B4GALT6: variants seen among roughly 807,000 people sequenced by gnomAD.
B4GALT6 encodes beta-1,4-galactosyltransferase 6, also known as UDP-Gal:beta-GlcNAc beta-1,4-galactosyltransferase 6.
A neutral mutation model predicts 46.3 loss-of-function variants in B4GALT6; 14 were observed. That is an observed-to-expected ratio of 0.30 (90% CI 0.20 to 0.47). The LOEUF is 0.47. Among genes scored for constraint, B4GALT6 ranks in the 20% least tolerant of loss-of-function variants. The pLI, the probability that B4GALT6 is intolerant of heterozygous loss-of-function variation, is 0.99. For synonymous variants in B4GALT6, 168 were observed against 162.0 expected, an observed-to-expected ratio of 1.04 and a Z score of -0.28; for missense variants, 386 against 480.1, an observed-to-expected ratio of 0.80 and a Z score of 1.83.
chr18:31,663,162 A>T (rs2074240312), intron 2 of B4GALT6, among the ~76,000 whole-genome samples: 1 of 152,230 alleles, frequency 6.6e-6, no homozygotes, highest in African/African-American at 2.4e-5. Flanking sequence ...CTTATCACTT[A>T]AAGGAAAAGG....
At chr18:31,680,197 T>A (rs2144744464) in intron 1 of B4GALT6, among the ~76,000 whole-genome samples, 1 of 152,192 alleles carries the variant, frequency 6.6e-6, no homozygotes, top group Non-Finnish European at 1.5e-5. Context: ...GAAAGACCTT[T>A]GAAACAAAGC....
At chr18:31,708,153 G>T in the B4GALT6 span, among the ~76,000 whole-genome samples, 2 of 152,184 alleles carry the variant, frequency 1.3e-5, no homozygotes, top group African/African-American at 4.8e-5. Flanking sequence ...TTGGCATGAG[G>T]CTCATTCATA....
chr18:31,658,137 C>T (rs751245040), intron 2 of B4GALT6, 48 bp from the exon 3 acceptor site: 4 of 1,327,714 alleles, frequency 3.0e-6, no homozygotes, highest in East Asian at 4.6e-5. Context: ...AGGCCTTTTG[C>T]TTTCTCCCTG....
chr18:31,698,665 T>C, the B4GALT6 span, among the ~76,000 whole-genome samples: 2 of 149,048 alleles, frequency 1.3e-5, no homozygotes, highest in South Asian at 2.1e-4. Context: ...ACACAACATG[T>C]ACCAATAAAA....
chr18:31,664,529 C>CTTT (rs35854175), intron 2 of B4GALT6, among the ~76,000 whole-genome samples: 1 of 138,056 alleles, frequency 7.2e-6, no homozygotes, highest in African/African-American at 2.6e-5. Context: ...AAGGATTTTC[C>CTTT]TTTTTTTTTT....
At chr18:31,648,439 G>C (rs184439282) in intron 3 of B4GALT6, among the ~76,000 whole-genome samples, 5 of 152,112 alleles carry the variant, frequency 3.3e-5, no homozygotes, top group Non-Finnish European at 5.9e-5. Context: ...AGAGTGGAGG[G>C]GCTGCCAAGT....
the B4GALT6 span, among the ~76,000 whole-genome samples, chr18:31,718,727 G>T: frequency 2.6e-5 from 4 of 152,158 alleles, no homozygotes; most frequent in Non-Finnish European, 4.4e-5. Flanking sequence ...ACCAGGAAGG[G>T]CACTGATTCC....
At chr18:31,687,828 T>A (rs1450142540), upstream of B4GALT6, among the ~76,000 whole-genome samples, 1 of 152,168 alleles carries the variant, frequency 6.6e-6, no homozygotes, top group Non-Finnish European at 1.5e-5. Context: ...TATACACAGA[T>A]TGCAACTGAA....
chr18:31,694,856 C>A, the B4GALT6 span, among the ~76,000 whole-genome samples: 1 of 152,184 alleles, frequency 6.6e-6, no homozygotes, highest in African/African-American at 2.4e-5. Context: ...CTACATTTCA[C>A]ATACTAGTTA....
rs148822904 is a variant in B4GALT6, at chr18:31,680,468, G to A, written c.115+3844C>T. On this transcript the variant is annotated intron_variant, in intron 1 of 8. Coordinates refer to ENST00000306851, the MANE Select transcript of B4GALT6 (RefSeq NM_004775.5). ...ATTTCCAGCAGGGCACACACCCCAG[G>A]GAGGCCCAAATAACAAAGCACTCAG... Among the ~76,000 whole-genome samples the A allele has an allele frequency of 4.4e-3, 671 of 152,240 alleles. 4 individuals carry two copies. Among genetic ancestry groups the A allele is most frequent in the African/African-American group, 0.016 (647 of 41,516 alleles).
At chr18:31,700,468 T>TGTGAGTGTGTGTGTGA in the B4GALT6 span, among the ~76,000 whole-genome samples, 29 of 148,278 alleles carry the variant, frequency 2.0e-4, 1 homozygote, top group Non-Finnish European at 4.0e-4. Context: ...TGTGTGTGTG[T>TGTGAGTGTGTGTGTGA]GAGAGAGAGA....
At chr18:31,660,921 T>A (rs2074205928) in intron 2 of B4GALT6, among the ~76,000 whole-genome samples, 1 of 152,096 alleles carries the variant, frequency 6.6e-6, no homozygotes, top group Non-Finnish European at 1.5e-5. Context: ...GAACAGTAAC[T>A]GCCATCAGGA....
chr18:31,686,628 G>A (rs2029929645), upstream of B4GALT6: 2 of 152,100 alleles, frequency 1.3e-5, no homozygotes, highest in African/African-American at 4.8e-5. Flanking sequence ...TAATTTGAAA[G>A]GTAATGACAC....
intron 3 of B4GALT6, among the ~76,000 whole-genome samples, chr18:31,649,619 A>G (rs547581622): frequency 1.3e-5 from 2 of 152,060 alleles, no homozygotes; most frequent in Admixed American, 6.5e-5. Context: ...TAACTTCTTA[A>G]AAGGAAACAT....
At chr18:31,710,712 T>C in the B4GALT6 span, among the ~76,000 whole-genome samples, 1 of 152,006 alleles carries the variant, frequency 6.6e-6, no homozygotes, top group Non-Finnish European at 1.5e-5. Flanking sequence ...TTTTAAACCA[T>C]CCAGTTTGTG....
chr18:31,638,081 T>C (rs1365642210), intron 5 of B4GALT6, among the ~76,000 whole-genome samples: 1 of 152,218 alleles, frequency 6.6e-6, no homozygotes, highest in Non-Finnish European at 1.5e-5. Context: ...AAACCATAGA[T>C]TGACAATCCT....
chr18:31,698,418 T>C, the B4GALT6 span, among the ~76,000 whole-genome samples: 1 of 151,872 alleles, frequency 6.6e-6, no homozygotes, highest in Admixed American at 6.6e-5. Context: ...TCACTTGAGG[T>C]CAGGAGTTCA....
chr18:31,713,590 C>T, the B4GALT6 span, among the ~76,000 whole-genome samples: 2 of 152,222 alleles, frequency 1.3e-5, no homozygotes, highest in African/African-American at 4.8e-5. Flanking sequence ...TTTGAAGCCT[C>T]TGCCTTCCTG....
the B4GALT6 span, among the ~76,000 whole-genome samples, chr18:31,720,034 C>T: frequency 1.3e-5 from 2 of 152,098 alleles, no homozygotes; most frequent in Admixed American, 1.3e-4. Flanking sequence ...CAGACTGGTC[C>T]CCAGGCAAGA....
Sources: allele counts gnomAD v4.1 joint callset (sites outside exome capture counted in the v4.1 genomes callset), GRCh38; gene constraint gnomAD v4.1.1; transcripts MANE v1.5; gene names NCBI Gene and HGNC (gene_info 2026-07-23, HGNC 2026-07-21).